STARD13: variants seen among roughly 807,000 people sequenced by gnomAD.
STARD13 encodes the protein StAR related lipid transfer domain containing 13.
Under a neutral mutation model 106.4 loss-of-function variants are expected in STARD13, and 62 were observed. The observed-to-expected ratio is 0.58, with a 90% CI of 0.48 to 0.72. The LOEUF (loss-of-function observed/expected upper bound fraction) is 0.72. STARD13 is among the 30% of genes least tolerant of loss of function. The probability of loss-of-function intolerance (pLI) is 0.00; values close to 1 mark genes in which losing one functional copy is unlikely to be tolerated. For synonymous variants in STARD13, 565 were observed against 553.0 expected, an observed-to-expected ratio of 1.02 and a Z score of -0.31; for missense variants, 1,387 against 1,424.0, an observed-to-expected ratio of 0.97 and a Z score of 0.42.
chr13:33,106,913 G>C lies in STARD13; in HGVS notation c.3069C>G (p.Pro1023=). The C allele has an allele frequency of 6.2e-7, 1 of 1,613,054 alleles. No individual in the cohort carries two copies. Among genetic ancestry groups the C allele is most frequent in the Non-Finnish European group, 8.5e-7 (1 of 1,179,476 alleles). ...VVLRTWKTDL[P]KGMCTLVSLS... is the part of the protein sequence containing the mutation. Reference sequence around the variant, plus strand: ...GGGACACCAGGGTACACATTCCTTTGGGCAAATCAGTTTTCCAGGTCCTGT... The same window carrying C: ...GGGACACCAGGGTACACATTCCTTTCGGCAAATCAGTTTTCCAGGTCCTGT... Residue 1023 remains proline (P), a synonymous_variant, in exon 13 of 14, where the codon CCC becomes CCG. Coordinates refer to ENST00000336934, the MANE Select transcript of STARD13 (RefSeq NM_178006.4).
intron 3 of STARD13, among the ~76,000 whole-genome samples, chr13:33,143,842 CG>C (rs1566021871): frequency 6.6e-6 from 1 of 152,136 alleles, no homozygotes; most frequent in Non-Finnish European, 1.5e-5. Flanking sequence ...TGAGCCACCG[CG>C]CCCAGCTTGT....
intron 3 of STARD13, among the ~76,000 whole-genome samples, chr13:33,154,351 C>T (rs185097590): frequency 6.6e-6 from 1 of 152,250 alleles, no homozygotes; most frequent in African/African-American, 2.4e-5. Context: ...TCCATAAACC[C>T]CAAAAGAACT....
chr13:33,455,826 C>A, the STARD13 span, among the ~76,000 whole-genome samples: 1 of 152,010 alleles, frequency 6.6e-6, no homozygotes, highest in Non-Finnish European at 1.5e-5. Context: ...CATCTGTAGT[C>A]CCAGCTACTC....
At chr13:33,629,379 C>T in the STARD13 span, among the ~76,000 whole-genome samples, 3 of 152,186 alleles carry the variant, frequency 2.0e-5, no homozygotes, top group East Asian at 5.8e-4. Flanking sequence ...AGAAAATTGC[C>T]AAGAGCTTAT....
intron 1 of STARD13, among the ~76,000 whole-genome samples, chr13:33,328,498 T>C (rs2077801864): frequency 6.6e-6 from 1 of 152,256 alleles, no homozygotes; most frequent in South Asian, 2.1e-4. Context: ...ATTGTCGGTT[T>C]TTCTAGAATC....
the STARD13 span, among the ~76,000 whole-genome samples, chr13:33,507,060 C>A: frequency 6.6e-6 from 1 of 152,142 alleles, no homozygotes; most frequent in Non-Finnish European, 1.5e-5. Context: ...ATGATCCTGT[C>A]ACTGCACTCC....
intron 1 of STARD13, among the ~76,000 whole-genome samples, chr13:33,304,305 T>C (rs1018763123): frequency 6.6e-6 from 1 of 152,164 alleles, no homozygotes; most frequent in Non-Finnish European, 1.5e-5. Context: ...TTCTTAAAGA[T>C]TTTATTCATT....
At chr13:33,161,168 C>T (rs1024478459) in intron 3 of STARD13, among the ~76,000 whole-genome samples, 1 of 152,102 alleles carries the variant, frequency 6.6e-6, no homozygotes, top group Non-Finnish European at 1.5e-5. Context: ...ACTAAAAAGG[C>T]TACATGCTGT....
At chr13:33,355,229 G>A (rs1039820408), upstream of STARD13, 1 of 152,078 alleles carries the variant, frequency 6.6e-6, no homozygotes, top group African/African-American at 2.4e-5. Flanking sequence ...AGCAGGACTT[G>A]CCACCCACCA....
chr13:33,177,776 GAAGGAAGGAAGGAAGGAAGGAAGGA>G lies in STARD13; in HGVS notation c.170-10179_170-10155del, dbSNP rs1401927261. Among the ~76,000 whole-genome samples the G allele has an allele frequency of 3.3e-4, 14 of 41,926 alleles. 1 individual carries two copies. The highest frequency in any genetic ancestry group is 1.1e-3 in the African/African-American group (8 of 7,380). 27.5% of individuals were successfully genotyped at this position (41,926 alleles called of 152,430 possible). A position where few individuals can be genotyped will look rare whatever the true frequency, so the allele number is the denominator to read the frequency against. Reference sequence around the variant, plus strand: ...AAAGGAAGGAAGGAAGGAAAGGAAGGAAGGAAGGAAGGAAGGAAGGAAGGAAAGGAAGGAAGGAAGGAAGGAAGGA... The same window carrying G: ...AAAGGAAGGAAGGAAGGAAAGGAAGGAAGGAAGGAAGGAAGGAAGGAAGGA... On this transcript the variant is annotated intron_variant, in intron 1 of 13. Transcript: ENST00000336934.
At chr13:33,187,273 T>C (rs797205) in intron 1 of STARD13, among the ~76,000 whole-genome samples, 25,129 of 152,194 alleles carry the variant, frequency 0.17, 2,188 homozygotes, top group Middle Eastern at 0.22. Flanking sequence ...GACAAGGAGT[T>C]GCTGAGAACT....
At position 33,285,595 on chromosome 13, in the gene STARD13, T is replaced by C. The variant is rs761738980; in HGVS notation, c.44A>G (p.Tyr15Cys). 7 of 1,613,816 alleles carry C rather than the reference T, an allele frequency of 4.3e-6. No individual in the cohort carries two copies. Among genetic ancestry groups the C allele is most frequent in the Non-Finnish European group, 5.1e-6 (6 of 1,179,886 alleles). The change falls in exon 1 of 14, where the codon TAC becomes TGC. Residue 15 changes from tyrosine to cysteine, a missense_variant. Coordinates refer to ENST00000336934, the MANE Select transcript of STARD13 (RefSeq NM_178006.4). ...VPRTPASGCY[Y>C]LNSMTPEGQE... ...GCCCTCAGGTGTCATGGAATTTAGG[T>C]AGTAGCAGCCTGAGGCTGGGGTCCT... is the stretch of plus-strand genomic sequence containing the variant.
chr13:33,614,001 G>A, the STARD13 span, among the ~76,000 whole-genome samples: 16 of 152,348 alleles, frequency 1.1e-4, no homozygotes, highest in Middle Eastern at 3.4e-3. Flanking sequence ...ACTTCTAAGT[G>A]CACATGAACA....
At chr13:33,203,868 G>A (rs1239568396) in intron 1 of STARD13, among the ~76,000 whole-genome samples, 1 of 152,108 alleles carries the variant, frequency 6.6e-6, no homozygotes, top group Non-Finnish European at 1.5e-5. Context: ...TTCATTAATG[G>A]CATACGTACC....
rs114450166 is a variant in STARD13 at position 33,211,704 on chromosome 13, G to T, written c.170-44082C>A. On this transcript the variant is annotated intron_variant, in intron 1 of 13. Transcript: ENST00000336934. ...GAGGGAATAATGACAAGGGAAAGAA[G>T]TCTGTACATGTTCAATATAGACACA... Among the ~76,000 whole-genome samples the T allele has an allele frequency of 4.3e-3, 659 of 152,208 alleles. 10 individuals are homozygous for T. Among genetic ancestry groups the T allele is most frequent in the African/African-American group, 0.015 (636 of 41,530 alleles).
At chr13:33,261,645 C>T (rs1240221525) in intron 1 of STARD13, among the ~76,000 whole-genome samples, 1 of 152,030 alleles carries the variant, frequency 6.6e-6, no homozygotes, top group Non-Finnish European at 1.5e-5. Context: ...ACCCAAAGAA[C>T]GAGACTTTCA....
At chr13:33,627,971 T>TTTC in the STARD13 span, among the ~76,000 whole-genome samples, 1 of 147,668 alleles carries the variant, frequency 6.8e-6, no homozygotes, top group African/African-American at 2.5e-5. Flanking sequence ...TTTTCTTTCT[T>TTTC]TTTTTTTTTT....
chr13:33,643,532 G>A, the STARD13 span, among the ~76,000 whole-genome samples: 1 of 152,242 alleles, frequency 6.6e-6, no homozygotes, highest in Admixed American at 6.5e-5. Flanking sequence ...AATGTGAATT[G>A]AGAAATATAG....
chr13:33,201,253 A>C (rs1183631975), intron 1 of STARD13, among the ~76,000 whole-genome samples: 1 of 152,000 alleles, frequency 6.6e-6, no homozygotes, highest in African/African-American at 2.4e-5. Context: ...TTATTCCAAG[A>C]ATTGGAAACA....
Sources: gnomAD v4.1 joint callset for allele counts (sites outside exome capture counted in the v4.1 genomes callset) on GRCh38, gnomAD v4.1.1 for gene constraint, MANE v1.5 for transcripts, NCBI Gene and HGNC (gene_info 2026-07-23, HGNC 2026-07-21) for gene names.